SLC35G1: variants seen among roughly 807,000 people sequenced by gnomAD.
SLC35G1 encodes solute carrier family 35 member G1.
A neutral mutation model predicts 17.1 loss-of-function variants in SLC35G1; 10 were observed. That is an observed-to-expected ratio of 0.59 (90% CI 0.36 to 0.99). The LOEUF is 0.99. Among genes scored for constraint, SLC35G1 ranks in the 50% least tolerant of loss-of-function variants. The probability of loss-of-function intolerance (pLI) is 0.01; values close to 1 mark genes in which losing one functional copy is unlikely to be tolerated. For missense variants in SLC35G1, 433 were observed against 468.4 expected (o/e 0.92, Z 0.70); for synonymous variants, 185 against 181.1 (o/e 1.02, Z -0.18).
downstream of SLC35G1, chr10:93,907,869 A>C (rs2060438083): frequency 6.6e-6 from 1 of 152,124 alleles, no homozygotes; most frequent in South Asian, 2.1e-4. Flanking sequence ...GATGGAAAAG[A>C]AAGGAGAAAG....
Position 93,902,767 on chromosome 10 carries a change from T to C in SLC35G1, c.*1277T>C, listed in dbSNP as rs550425584. The C allele has an allele frequency of 6.5e-6, 1 of 152,718 alleles. No homozygotes were observed. Among genetic ancestry groups the C allele is most frequent in the East Asian group, 1.9e-4 (1 of 5,176 alleles). The allele number at this position is 152,718 out of a possible 1,614,324, so 9.5% of individuals were successfully genotyped here. The stretch of plus-strand genomic sequence containing the variant: ...AGCATGATGTTAAATGTCAGTGCCA[T>C]ACCATGATGCAGCACCATGACACTA... On this transcript the variant is annotated 3_prime_UTR_variant, in exon 3 of 3. Transcript: ENST00000427197.
intron 1 of SLC35G1, among the ~76,000 whole-genome samples, chr10:93,897,087 A>G (rs998958474): frequency 6.6e-6 from 1 of 152,208 alleles, no homozygotes; most frequent in Non-Finnish European, 1.5e-5. Flanking sequence ...TTTCTGCAGT[A>G]TACAAGCACA....
chr10:93,896,240 C>G (rs1168487113), intron 1 of SLC35G1, among the ~76,000 whole-genome samples: 1 of 152,180 alleles, frequency 6.6e-6, no homozygotes, highest in Non-Finnish European at 1.5e-5. Flanking sequence ...AAGAGATCCT[C>G]CCACCTTGTC....
downstream of SLC35G1, chr10:93,906,127 A>G (rs1055896973): frequency 6.6e-6 from 1 of 152,266 alleles, no homozygotes; most frequent in Non-Finnish European, 1.5e-5. Flanking sequence ...ATACAACTAT[A>G]TTTGATTTTT....
intron 2 of SLC35G1, among the ~76,000 whole-genome samples, chr10:93,900,134 A>G (rs2060369141): frequency 6.6e-6 from 1 of 152,172 alleles, no homozygotes. Context: ...TCCAAACACT[A>G]CATGTTCTTT....
intron 2 of SLC35G1, among the ~76,000 whole-genome samples, chr10:93,899,511 G>A (rs2134067710): frequency 6.6e-6 from 1 of 152,236 alleles, no homozygotes; most frequent in Non-Finnish European, 1.5e-5. Flanking sequence ...CCCTGAGAGC[G>A]AGACCAGTTG....
intron 1 of SLC35G1, among the ~76,000 whole-genome samples, chr10:93,894,807 A>G (rs2060315087): frequency 6.6e-6 from 1 of 152,214 alleles, no homozygotes; most frequent in Non-Finnish European, 1.5e-5. Flanking sequence ...CCCCAAAGTC[A>G]GGGACCCCTC....
chr10:93,906,651 AAGGT>A (rs1317087627), downstream of SLC35G1, among the ~76,000 whole-genome samples: 12 of 152,234 alleles, frequency 7.9e-5, no homozygotes, highest in African/African-American at 2.9e-4. Flanking sequence ...AAATCAACAA[AAGGT>A]AGGACATTTT....
At chr10:93,904,871 C>T (rs564592717), downstream of SLC35G1, among the ~76,000 whole-genome samples, 3 of 152,292 alleles carry the variant, frequency 2.0e-5, no homozygotes, top group East Asian at 1.9e-4. Context: ...CAAAATGAGG[C>T]GTATACCAGA....
chr10:93,905,839 A>C (rs949544019), downstream of SLC35G1, among the ~76,000 whole-genome samples: 1 of 152,184 alleles, frequency 6.6e-6, no homozygotes, highest in Admixed American at 6.5e-5. Context: ...GGGGTCAGGA[A>C]AGTATAAAAC....
Position 93,902,400 on chromosome 10 carries a change from A to G in SLC35G1, c.*910A>G, listed in dbSNP as rs1384836107. The G allele has an allele frequency of 1.3e-5, 2 of 152,568 alleles. No homozygotes were observed. The highest frequency in any genetic ancestry group is 2.9e-5 in the Non-Finnish European group (2 of 68,016). 9.5% of individuals were successfully genotyped at this position (152,568 alleles called of 1,614,324 possible). The stretch of plus-strand genomic sequence containing the variant: ...TTTTCTATAAATTCCCCTTGAATTT[A>G]TAGTGTGATGCCAAATAAAATTTTC... On this transcript the variant is annotated 3_prime_UTR_variant, in exon 3 of 3. Transcript: ENST00000427197.
Position 93,894,094 on chromosome 10 carries a change from G to T in SLC35G1, c.61G>T (p.Asp21Tyr). 2.7e-6 allele frequency: 4 copies of T among 1,489,652 alleles called. No individual in the cohort carries two copies. Among genetic ancestry groups the T allele is most frequent in the Non-Finnish European group, 2.7e-6 (3 of 1,127,516 alleles). 92.3% of individuals were successfully genotyped at this position (1,489,652 alleles called of 1,614,324 possible). ...CCAGGAGCCCGGGCTGCCGCTAACGGACGATGCACCCCCGGGCGCCACTGA... is the reference window on the plus strand; with the variant it reads ...CCAGGAGCCCGGGCTGCCGCTAACGTACGATGCACCCCCGGGCGCCACTGA... ...ELQEPGLPLT[D>Y]DAPPGATEEP... The change falls in exon 1 of 3, where the codon GAC (aspartate) becomes TAC (tyrosine). Residue 21 changes from aspartate to tyrosine, a missense_variant. Asp to Tyr is a radical substitution (Grantham distance 160). Coordinates refer to ENST00000427197, the MANE Select transcript of SLC35G1 (RefSeq NM_001134658.3).
At chr10:93,895,410 A>C (rs1475807238) in intron 1 of SLC35G1, among the ~76,000 whole-genome samples, 1 of 152,086 alleles carries the variant, frequency 6.6e-6, no homozygotes, top group East Asian at 1.9e-4. Flanking sequence ...CTCACCTATC[A>C]CCCTCTGGGT....
chr10:93,898,784 T>C, intron 2 of SLC35G1, 33 bp downstream of exon 2: 1 of 1,570,664 alleles, frequency 6.4e-7, no homozygotes. Flanking sequence ...GTAGAAGATA[T>C]TAATAAATGT....
Position 93,903,286 on chromosome 10 carries a change from T to C in SLC35G1, c.*1796T>C, listed in dbSNP as rs1589803886. On this transcript the variant is annotated 3_prime_UTR_variant, in exon 3 of 3. Coordinates refer to ENST00000427197, the MANE Select transcript of SLC35G1 (RefSeq NM_001134658.3). ...AACATCATTCTGCAAATATCTTAGATAATTACAGAATCAGGAGCATTTGAG... is the reference window on the plus strand; with the variant it reads ...AACATCATTCTGCAAATATCTTAGACAATTACAGAATCAGGAGCATTTGAG... 1 of 152,162 alleles carries C rather than the reference T, an allele frequency of 6.6e-6. No homozygotes were observed. Among genetic ancestry groups the C allele is most frequent in the East Asian group, 1.9e-4 (1 of 5,206 alleles). The allele number at this position is 152,162 out of a possible 1,614,324, so 9.4% of individuals were successfully genotyped here. A position where few individuals can be genotyped will look rare whatever the true frequency, so the allele number is the denominator to read the frequency against.
At chr10:93,906,887 A>G (rs147372003), downstream of SLC35G1, among the ~76,000 whole-genome samples, 9 of 152,272 alleles carry the variant, frequency 5.9e-5, no homozygotes, top group East Asian at 1.2e-3. Context: ...TCATTCTTTC[A>G]TAAGTATACA....
Position 93,901,592 on chromosome 10 carries a change from G to A in SLC35G1, c.*102G>A, listed in dbSNP as rs2060385630. 5 of 1,317,652 alleles carry A rather than the reference G, an allele frequency of 3.8e-6. No homozygotes were observed. Among genetic ancestry groups the A allele is most frequent in the Non-Finnish European group, 5.0e-6 (5 of 999,586 alleles). The allele number at this position is 1,317,652 out of a possible 1,614,324, so 81.6% of individuals were successfully genotyped here. A position where few individuals can be genotyped will look rare whatever the true frequency, so the allele number is the denominator to read the frequency against. ...AAAATCTGCATTTTCTTCATTGGTTGTATTTAATAAATTGCCTAAAGTACC... is the reference window on the plus strand; with the variant it reads ...AAAATCTGCATTTTCTTCATTGGTTATATTTAATAAATTGCCTAAAGTACC... On this transcript the variant is annotated 3_prime_UTR_variant, in exon 3 of 3. Transcript: ENST00000427197.
At chr10:93,906,084 G>A (rs529841949), downstream of SLC35G1, among the ~76,000 whole-genome samples, 1 of 152,176 alleles carries the variant, frequency 6.6e-6, no homozygotes, top group South Asian at 2.1e-4. Flanking sequence ...AGCTGTATGT[G>A]CCAAGAACAT....
At position 93,903,460 on chromosome 10, in the gene SLC35G1, C is replaced by G. The variant is rs1236861119; in HGVS notation, c.*1970C>G. Reference sequence around the variant, plus strand: ...TATGGACAGTAAACCACTACTTGAGCTACCTAAGGTGAATTAACTCTCAGG... The same window carrying G: ...TATGGACAGTAAACCACTACTTGAGGTACCTAAGGTGAATTAACTCTCAGG... On this transcript the variant is annotated 3_prime_UTR_variant, in exon 3 of 3. Transcript: ENST00000427197. 1 of 152,182 alleles carries G rather than the reference C, an allele frequency of 6.6e-6. No homozygotes were observed. Among genetic ancestry groups the G allele is most frequent in the Non-Finnish European group, 1.5e-5 (1 of 68,042 alleles). The allele number at this position is 152,182 out of a possible 1,614,324, so 9.4% of individuals were successfully genotyped here. A position where few individuals can be genotyped will look rare whatever the true frequency, so the allele number is the denominator to read the frequency against.
Sources: allele counts gnomAD v4.1 joint callset (sites outside exome capture counted in the v4.1 genomes callset), GRCh38; gene constraint gnomAD v4.1.1; transcripts MANE v1.5; gene names NCBI Gene and HGNC (gene_info 2026-07-23, HGNC 2026-07-21).